PADI4: variants seen among roughly 807,000 people sequenced by gnomAD.
PADI4 encodes peptidyl arginine deiminase 4.
A neutral mutation model predicts 75.0 loss-of-function variants in PADI4; 62 were observed. The ratio of observed to expected loss-of-function variants is 0.83; its 90% CI spans 0.67 to 1.02. The LOEUF (loss-of-function observed/expected upper bound fraction) is 1.02. Among genes scored for constraint, PADI4 ranks in the 50% least tolerant of loss-of-function variants. The pLI is 0.00. For missense variants in PADI4, 845 were observed against 850.5 expected (o/e 0.99, Z 0.08); for synonymous variants, 361 against 348.1 (o/e 1.04, Z -0.41).
chr1:17,360,757 A>C (rs1290982190), intron 15 of PADI4, among the ~76,000 whole-genome samples: 1 of 151,516 alleles, frequency 6.6e-6, no homozygotes, highest in East Asian at 2.0e-4. Flanking sequence ...AAGTCACCTT[A>C]TGCACCATAA....
chr1:17,341,753 C>T (rs190502772), intron 6 of PADI4, among the ~76,000 whole-genome samples, 190 bp from the exon 7 acceptor site: 67 of 152,306 alleles, frequency 4.4e-4, no homozygotes, highest in African/African-American at 1.5e-3. Context: ...GGACTTCAGC[C>T]GGGGAGCAGC....
At chr1:17,360,709 G>A (rs1256867555) in intron 15 of PADI4, among the ~76,000 whole-genome samples, 2 of 149,360 alleles carry the variant, frequency 1.3e-5, no homozygotes, top group African/African-American at 4.9e-5. Context: ...GGGGATGGAG[G>A]GATGGATAGG....
At chr1:17,358,093 C>T (rs2074791372) in intron 13 of PADI4, among the ~76,000 whole-genome samples, 1 of 151,334 alleles carries the variant, frequency 6.6e-6, no homozygotes, top group South Asian at 2.1e-4. Context: ...ACTAAAAGTA[C>T]AAAAATTAGC....
At chr1:17,350,648 G>T (rs889857204) in intron 10 of PADI4, among the ~76,000 whole-genome samples, 2 of 130,582 alleles carry the variant, frequency 1.5e-5, no homozygotes, top group Non-Finnish European at 3.5e-5. Context: ...ATCCAAGGCT[G>T]AAGGCTGTAT....
rs1162537548 is a variant in PADI4, at chr1:17,336,152, A to AT, written c.341-4dup. ...CCAACCTCTCCTCTTACTTGATGGG[A>AT]TTTCAGAAATCTCCTTGTGCGCAGA... On this transcript the variant is annotated splice_polypyrimidine_tract_variant and splice_region_variant and intron_variant, in intron 3 of 15. Transcript: ENST00000375448. 4 of 1,609,248 alleles carry AT rather than the reference A, an allele frequency of 2.5e-6. No individual in the cohort carries two copies. Among genetic ancestry groups the AT allele is most frequent in the African/African-American group, 2.7e-5 (2 of 74,836 alleles).
chr1:17,342,836 C>T (rs1194184128), intron 8 of PADI4, among the ~76,000 whole-genome samples: 2 of 152,032 alleles, frequency 1.3e-5, no homozygotes, highest in East Asian at 1.9e-4. Flanking sequence ...ATTGGCCGGG[C>T]GTGGTGGCGC....
chr1:17,336,859 GA>G (rs1204442585), intron 4 of PADI4, among the ~76,000 whole-genome samples: 2 of 152,160 alleles, frequency 1.3e-5, no homozygotes, highest in Non-Finnish European at 2.9e-5. Flanking sequence ...ACAACTCTAG[GA>G]GTAGAATCTG....
At chr1:17,317,331 A>AC (rs2073958291) in intron 1 of PADI4, among the ~76,000 whole-genome samples, 1 of 152,052 alleles carries the variant, frequency 6.6e-6, no homozygotes, top group Non-Finnish European at 1.5e-5. Context: ...TGCAATGGTG[A>AC]GATCTTGGCT....
intron 8 of PADI4, among the ~76,000 whole-genome samples, chr1:17,342,921 G>A (rs533153821): frequency 7.4e-4 from 113 of 152,374 alleles, no homozygotes; most frequent in African/African-American, 2.7e-3. Flanking sequence ...GTTGCAGTGA[G>A]CTGAGATTGC....
chr1:17,336,697 G>T (rs1249632477), intron 4 of PADI4, among the ~76,000 whole-genome samples: 1 of 152,230 alleles, frequency 6.6e-6, no homozygotes, highest in Admixed American at 6.5e-5. Flanking sequence ...TGTGCAGAAA[G>T]GGCAGGTGAA....
rs11578027 is a variant in PADI4 at position 17,310,819 on chromosome 1, C to T, written c.92+2505C>T. ...CTACTAAAAATACAAAAAAATTAGA[C>T]GGGGCGCAATGGCTCACATCTGTAA... On this transcript the variant is annotated intron_variant, in intron 1 of 15. Coordinates refer to ENST00000375448, the MANE Select transcript of PADI4 (RefSeq NM_012387.3). 4.6e-3 allele frequency among the ~76,000 whole-genome samples: 699 copies of T among 152,140 alleles called. 7 individuals are homozygous for T. The highest frequency in any genetic ancestry group is 0.016 in the African/African-American group (662 of 41,484).
At chr1:17,330,021 C>T (rs2074181626) in intron 1 of PADI4, among the ~76,000 whole-genome samples, 1 of 152,190 alleles carries the variant, frequency 6.6e-6, no homozygotes. Context: ...CTTCAGAGTA[C>T]CTGGTCTGCC....
At position 17,359,340 on chromosome 1, in the gene PADI4, A is replaced by G. The variant is rs1320224695; in HGVS notation, c.1690A>G (p.Ile564Val). Reference sequence around the variant, plus strand: ...GGAGCTGGGCCTGGCCGAGAGTGACATCATTGACATCCCGCAGCTCTTCAA... The same window carrying G: ...GGAGCTGGGCCTGGCCGAGAGTGACGTCATTGACATCCCGCAGCTCTTCAA... ...KRELGLAESD[I>V]IDIPQLFKLK... Residue 564 changes from isoleucine to valine, a missense_variant, in exon 15 of 16, where the codon ATC (isoleucine) becomes GTC (valine). Physicochemically the swap from Ile to Val is conservative, Grantham distance 29. Coordinates refer to ENST00000375448, the MANE Select transcript of PADI4 (RefSeq NM_012387.3). 1 of 1,613,696 alleles carries G rather than the reference A, an allele frequency of 6.2e-7. No homozygotes were observed. Among genetic ancestry groups the G allele is most frequent in the Middle Eastern group, 1.7e-4 (1 of 6,050 alleles).
chr1:17,337,285 A>G (rs2074330786), intron 4 of PADI4, among the ~76,000 whole-genome samples: 1 of 152,140 alleles, frequency 6.6e-6, no homozygotes, highest in Admixed American at 6.6e-5. Flanking sequence ...AGCTGCAATT[A>G]CAGGTGCATG....
intron 1 of PADI4, among the ~76,000 whole-genome samples, chr1:17,327,174 A>G: frequency 6.6e-6 from 1 of 152,062 alleles, no homozygotes; most frequent in East Asian, 1.9e-4. Flanking sequence ...TGGCCTCCCA[A>G]TGTGTTGGTA....
chr1:17,328,253 G>A (rs982155259), intron 1 of PADI4, among the ~76,000 whole-genome samples: 1 of 152,014 alleles, frequency 6.6e-6, no homozygotes, highest in East Asian at 2.0e-4. Flanking sequence ...CAAACTCCTG[G>A]GTGCAAACAA....
At chr1:17,357,578 C>T (rs2074781253) in intron 13 of PADI4, among the ~76,000 whole-genome samples, 1 of 152,150 alleles carries the variant, frequency 6.6e-6, no homozygotes, top group Non-Finnish European at 1.5e-5. Flanking sequence ...GTCCTGCATG[C>T]AAGTAGATAT....
Position 17,356,285 on chromosome 1 carries a change from C to A in PADI4, c.1456-72C>A, listed in dbSNP as rs183854438. On this transcript the variant is annotated intron_variant, in intron 12 of 15. Transcript: ENST00000375448. This position sits in a 1 kb window ranked among gnomAD's most constrained non-coding sequence, Gnocchi z 4.1. ...GGTCCAAGTCCACACTACTCCCACC[C>A]TCAGCAGATCCACCCTCGTTGGGAG... 1 of 1,288,534 alleles carries A rather than the reference C, an allele frequency of 7.8e-7. No homozygotes were observed. The highest frequency in any genetic ancestry group is 1.1e-6 in the Non-Finnish European group (1 of 922,198). 79.8% of individuals were successfully genotyped at this position (1,288,534 alleles called of 1,614,324 possible). A position where few individuals can be genotyped will look rare whatever the true frequency, so the allele number is the denominator to read the frequency against.
chr1:17,351,661 G>A (rs1386949319), intron 10 of PADI4, among the ~76,000 whole-genome samples: 2 of 151,848 alleles, frequency 1.3e-5, no homozygotes, highest in African/African-American at 4.8e-5. Flanking sequence ...GATGGTCAGG[G>A]TGGGCTTCAC....
Sources: gnomAD v4.1 joint callset for allele counts (sites outside exome capture counted in the v4.1 genomes callset) on GRCh38, gnomAD v4.1.1 for gene constraint, Gnocchi (gnomAD v3.1) non-coding constraint, MANE v1.5 for transcripts, NCBI Gene and HGNC (gene_info 2026-07-23, HGNC 2026-07-21) for gene names.